Variants in TENM2 observed in about 807,000 individuals in gnomAD.
TENM2 encodes the protein teneurin-2.
TENM2 carries 52 observed loss-of-function variants against 245.2 expected under a neutral mutation model. The observed-to-expected ratio is 0.21, with a 90% CI of 0.17 to 0.27. TENM2 has a LOEUF of 0.27. Among genes scored for constraint, TENM2 ranks in the 10% least tolerant of loss-of-function variants. The pLI, the probability that TENM2 is intolerant of heterozygous loss-of-function variation, is 1.00. For missense variants in TENM2, 3,046 were observed against 3,666.8 expected (o/e 0.83, Z 4.37); for synonymous variants, 1,363 against 1,438.9 (o/e 0.95, Z 1.19).
intron 3 of TENM2, among the ~76,000 whole-genome samples, chr5:167,879,492 G>GA (rs1053891222): frequency 2.6e-5 from 4 of 152,006 alleles, no homozygotes; most frequent in African/African-American, 7.2e-5. Flanking sequence ...AACTCATCTG[G>GA]AAAAAAAATC....
At chr5:167,000,625 A>G in the TENM2 span, among the ~76,000 whole-genome samples, 2 of 152,132 alleles carry the variant, frequency 1.3e-5, no homozygotes, top group Admixed American at 1.3e-4. Flanking sequence ...TTCTGGTCTG[A>G]TTGCTTGATT....
chr5:166,999,088 TA>T, the TENM2 span, among the ~76,000 whole-genome samples: 1 of 151,714 alleles, frequency 6.6e-6, no homozygotes, highest in Non-Finnish European at 1.5e-5. Flanking sequence ...TTTTTATGTT[TA>T]AAAAACCCTG....
exon 4 of TENM2, chr5:167,952,707 C>A (rs753090148): frequency 3.7e-6 from 6 of 1,610,378 alleles, no homozygotes; most frequent in Non-Finnish European, 3.4e-6. Context: ...ACTGACCAAT[C>A]GGCGGAGTCA....
At chr5:168,019,740 C>A (rs1581075705) in intron 5 of TENM2, among the ~76,000 whole-genome samples, 1 of 152,176 alleles carries the variant, frequency 6.6e-6, no homozygotes, top group East Asian at 1.9e-4. Context: ...AGATGCACTT[C>A]CTAAGTTATT....
intron 3 of TENM2, among the ~76,000 whole-genome samples, chr5:167,889,343 T>G (rs1774549976): frequency 6.6e-6 from 1 of 152,184 alleles, no homozygotes. Flanking sequence ...ACTATCTTCC[T>G]GCATGCCAGC....
At chr5:167,285,434 G>A (rs1339968551) in intron 1 of TENM2, among the ~76,000 whole-genome samples, 2 of 152,114 alleles carry the variant, frequency 1.3e-5, no homozygotes, top group Non-Finnish European at 2.9e-5. Context: ...TGTTAATTCT[G>A]AGTTATACGT....
chr5:168,186,869 T>C (rs890896211), intron 13 of TENM2: 4 of 152,144 alleles, frequency 2.6e-5, no homozygotes, highest in African/African-American at 4.8e-5. Flanking sequence ...TTACTGAAGA[T>C]TGCAATGTCA....
chr5:167,604,127 A>G (rs1423582486), intron 2 of TENM2, among the ~76,000 whole-genome samples: 3 of 152,186 alleles, frequency 2.0e-5, no homozygotes, highest in Non-Finnish European at 2.9e-5. Context: ...GGTAGATGAG[A>G]GGAAAAGAAA....
intron 7 of TENM2, among the ~76,000 whole-genome samples, chr5:168,078,045 CA>C (rs1296208423): frequency 1.3e-5 from 2 of 152,202 alleles, no homozygotes; most frequent in East Asian, 1.9e-4. Flanking sequence ...CTCCCACAAA[CA>C]GCGTAAAAAT....
At chr5:167,500,211 C>T (rs991520992) in intron 2 of TENM2, among the ~76,000 whole-genome samples, 3 of 152,014 alleles carry the variant, frequency 2.0e-5, no homozygotes, top group African/African-American at 7.2e-5. Flanking sequence ...AGCCTGAGAG[C>T]AGACGTGGCA....
At chr5:167,810,218 C>G (rs1049835576) in intron 2 of TENM2, among the ~76,000 whole-genome samples, 2 of 152,076 alleles carry the variant, frequency 1.3e-5, no homozygotes, top group African/African-American at 4.8e-5. Flanking sequence ...TTTGCATACT[C>G]TGGGAGAAAA....
At chr5:167,395,176 A>G (rs4869040) in intron 2 of TENM2, among the ~76,000 whole-genome samples, 49,832 of 151,862 alleles carry the variant, frequency 0.33, 8,497 homozygotes, top group African/African-American at 0.44. Context: ...CTTTTATAAA[A>G]GTTTTATAGT....
intron 2 of TENM2, among the ~76,000 whole-genome samples, chr5:167,442,873 C>T (rs1335006331): frequency 6.6e-6 from 1 of 152,074 alleles, no homozygotes; most frequent in Non-Finnish European, 1.5e-5. Context: ...TTTATGTGAC[C>T]GTTCCTGTTG....
At chr5:167,455,991 A>G (rs903171310) in intron 2 of TENM2, among the ~76,000 whole-genome samples, 1 of 152,180 alleles carries the variant, frequency 6.6e-6, no homozygotes, top group East Asian at 1.9e-4. Flanking sequence ...ATGAATTTTG[A>G]ATGAATTTTG....
At chr5:167,869,275 A>G (rs1476620532) in intron 2 of TENM2, among the ~76,000 whole-genome samples, 6 of 152,236 alleles carry the variant, frequency 3.9e-5, no homozygotes, top group Non-Finnish European at 8.8e-5. Flanking sequence ...TATTTGGAGC[A>G]GGGTAGAAAA....
chr5:168,037,538 C>CTTT (rs35253311), intron 5 of TENM2, among the ~76,000 whole-genome samples: 26,011 of 135,432 alleles, frequency 0.19, 3,020 homozygotes, highest in East Asian at 0.25. Context: ...CCATAATGGT[C>CTTT]TTTTTTTTTT....
At chr5:167,856,917 C>T (rs1433734447) in intron 2 of TENM2, among the ~76,000 whole-genome samples, 1 of 152,194 alleles carries the variant, frequency 6.6e-6, no homozygotes, top group Non-Finnish European at 1.5e-5. Context: ...TTAGAAAGCT[C>T]TTTACATGTT....
chr5:167,045,391 A>T, the TENM2 span, among the ~76,000 whole-genome samples: 6 of 152,126 alleles, frequency 3.9e-5, no homozygotes, highest in African/African-American at 1.2e-4. Flanking sequence ...AGTACATTCT[A>T]AGTGTTCATA....
intron 3 of TENM2, among the ~76,000 whole-genome samples, chr5:167,920,295 C>T (rs1777253795): frequency 6.8e-6 from 1 of 146,608 alleles, no homozygotes; most frequent in African/African-American, 2.6e-5. Flanking sequence ...AGTTCTCGAC[C>T]AGCCTGGCCA....
Sources: gnomAD v4.1 joint callset for allele counts (sites outside exome capture counted in the v4.1 genomes callset) on GRCh38, gnomAD v4.1.1 for gene constraint, MANE v1.5 for transcripts, NCBI Gene and HGNC (gene_info 2026-07-23, HGNC 2026-07-21) for gene names.